SLC26A7: variants seen among roughly 807,000 people sequenced by gnomAD.
SLC26A7 encodes solute carrier family 26 member 7, also known as anion exchange transporter.
A neutral mutation model predicts 82.5 loss-of-function variants in SLC26A7; 59 were observed. The observed-to-expected ratio is 0.72, with a 90% confidence interval of 0.58 to 0.89. The LOEUF (loss-of-function observed/expected upper bound fraction) is 0.89, where lower values mean the gene tolerates loss of function less well. Ranked by LOEUF, SLC26A7 falls within the 40% of genes least tolerant of loss-of-function variation. The probability of loss-of-function intolerance (pLI) is 0.00; values close to 1 mark genes in which losing one functional copy is unlikely to be tolerated. For missense variants in SLC26A7, 820 were observed against 793.0 expected (o/e 1.03, Z -0.41); for synonymous variants, 271 against 274.3 (o/e 0.99, Z 0.12).
At chr8:91,344,320 G>A (rs1175645845) in intron 9 of SLC26A7, 1 of 470,242 alleles carries the variant, frequency 2.1e-6, no homozygotes. Context: ...AACCCAGATA[G>A]ATTTACTTCA....
intron 15 of SLC26A7, among the ~76,000 whole-genome samples, chr8:91,385,324 T>C (rs1390969351): frequency 6.6e-6 from 1 of 152,206 alleles, no homozygotes; most frequent in Non-Finnish European, 1.5e-5. Context: ...CTTAGGAGTA[T>C]AGAACACAAG....
At chr8:91,345,328 T>C (rs908889163) in intron 9 of SLC26A7, among the ~76,000 whole-genome samples, 30 of 152,130 alleles carry the variant, frequency 2.0e-4, no homozygotes, top group African/African-American at 7.0e-4. Flanking sequence ...TCAATAAACA[T>C]AGTGAGTGGT....
chr8:91,311,233 G>A (rs567354931), intron 4 of SLC26A7, among the ~76,000 whole-genome samples: 107 of 152,192 alleles, frequency 7.0e-4, no homozygotes, highest in African/African-American at 2.2e-3. Context: ...ACTTCAGTGA[G>A]GTTGTTGCAT....
At chr8:91,307,795 A>G (rs1442610099) in intron 4 of SLC26A7, among the ~76,000 whole-genome samples, 2 of 132,538 alleles carry the variant, frequency 1.5e-5, no homozygotes, top group Non-Finnish European at 3.2e-5. Flanking sequence ...AACTTAAAGT[A>G]TAATAATAAA....
At position 91,391,238 on chromosome 8, in the gene SLC26A7, G is replaced by A. The variant is rs190806014; in HGVS notation, c.1776+1800G>A. 4.9e-3 allele frequency among the ~76,000 whole-genome samples: 750 copies of A among 152,282 alleles called. 2 individuals carry two copies. The highest frequency in any genetic ancestry group is 8.4e-3 in the Non-Finnish European group (574 of 68,012). On this transcript the variant is annotated intron_variant, in intron 16 of 18. Coordinates refer to ENST00000276609, the MANE Select transcript of SLC26A7 (RefSeq NM_052832.4). Reference sequence around the variant, plus strand: ...GTGTAGGGGAATTGCTTAGTATGTGGAAGTCACAGCATAGTCCCAGCTGCA... The same window carrying A: ...GTGTAGGGGAATTGCTTAGTATGTGAAAGTCACAGCATAGTCCCAGCTGCA...
intron 5 of SLC26A7, among the ~76,000 whole-genome samples, chr8:91,332,719 A>G (rs2130828648): frequency 6.6e-6 from 1 of 151,676 alleles, no homozygotes; most frequent in Admixed American, 6.6e-5. Context: ...TTTCATAGGG[A>G]AAGAGTCTTG....
chr8:91,309,440 T>C (rs1049947663), intron 4 of SLC26A7, among the ~76,000 whole-genome samples: 2 of 151,666 alleles, frequency 1.3e-5, no homozygotes, highest in African/African-American at 4.8e-5. Flanking sequence ...AGTGAGAACC[T>C]GGCTCCTAAC....
At chr8:91,343,579 A>AT in intron 9 of SLC26A7, 113 bp downstream of exon 9, 13 of 667,810 alleles carry the variant, frequency 1.9e-5, no homozygotes, top group East Asian at 5.7e-5. Context: ...CACTTATTTA[A>AT]TTTTTTTTCT....
intron 5 of SLC26A7, among the ~76,000 whole-genome samples, chr8:91,330,362 G>A (rs944373103): frequency 6.6e-6 from 1 of 152,150 alleles, no homozygotes; most frequent in East Asian, 1.9e-4. Flanking sequence ...GATGGGCTGA[G>A]TCCTTTGATG....
At chr8:91,384,579 A>G (rs1051678649) in intron 15 of SLC26A7, among the ~76,000 whole-genome samples, 3 of 152,044 alleles carry the variant, frequency 2.0e-5, no homozygotes, top group African/African-American at 4.8e-5. Flanking sequence ...TCTCCATAGC[A>G]TTTTCTGCCC....
chr8:91,340,261 A>G, intron 7 of SLC26A7, 143 bp from the exon 8 acceptor site: 1 of 983,466 alleles, frequency 1.0e-6, no homozygotes, highest in Non-Finnish European at 1.5e-6. Flanking sequence ...AGGGCTTCTA[A>G]GGGCAAGGCT....
intron 4 of SLC26A7, among the ~76,000 whole-genome samples, chr8:91,298,607 A>G (rs1586379012): frequency 6.6e-6 from 1 of 152,294 alleles, no homozygotes; most frequent in Non-Finnish European, 1.5e-5. Context: ...TTGAATTAAA[A>G]AATGAATTAT....
At chr8:91,234,787 C>A (rs1405760741) in intron 2 of SLC26A7, among the ~76,000 whole-genome samples, 14 of 121,208 alleles carry the variant, frequency 1.2e-4, no homozygotes, top group Admixed American at 3.7e-4. Context: ...TTCCTTCCCT[C>A]CCTCCCTACC....
Position 91,351,279 on chromosome 8 carries a change from G to A in SLC26A7, c.1141-531G>A, listed in dbSNP as rs189579029. Among the ~76,000 whole-genome samples, 11 of 152,202 alleles carry A rather than the reference G, an allele frequency of 7.2e-5. No individual in the cohort carries two copies. In the East Asian group the frequency reaches 1.7e-3, roughly 24 times the overall value. ...TTAGTAAAATTAAGTCTGTTCCACA[G>A]CCAGAGATCACTCCCATATCCCATA... is the stretch of plus-strand genomic sequence containing the variant. On this transcript the variant is annotated intron_variant, in intron 9 of 18. Coordinates refer to ENST00000276609, the MANE Select transcript of SLC26A7 (RefSeq NM_052832.4).
intron 16 of SLC26A7, among the ~76,000 whole-genome samples, chr8:91,392,511 A>G (rs1234617976): frequency 1.3e-5 from 2 of 152,212 alleles, no homozygotes; most frequent in Non-Finnish European, 2.9e-5. Context: ...TCTCATTTTA[A>G]AAATGTCATT....
intron 2 of SLC26A7, among the ~76,000 whole-genome samples, chr8:91,265,771 A>G (rs999860637): frequency 2.6e-5 from 4 of 151,760 alleles, no homozygotes; most frequent in East Asian, 1.9e-4. Context: ...GTGTGTGCGC[A>G]CGCGCCTTTC....
chr8:91,265,377 C>T lies in SLC26A7; in HGVS notation c.193+15533C>T, dbSNP rs150353303. Among the ~76,000 whole-genome samples the T allele has an allele frequency of 8.2e-3, 1,254 of 152,080 alleles. 20 individuals carry two copies. Among genetic ancestry groups the T allele is most frequent in the African/African-American group, 0.029 (1,194 of 41,530 alleles). ...ATGCAGATCTCTCTTCAACATACTG[C>T]TTTCAATTCCTTTGGATATATACCC... On this transcript the variant is annotated intron_variant, in intron 2 of 18. Coordinates refer to ENST00000276609, the MANE Select transcript of SLC26A7 (RefSeq NM_052832.4).
At chr8:91,383,504 C>T (rs1483582141) in intron 15 of SLC26A7, among the ~76,000 whole-genome samples, 1 of 151,964 alleles carries the variant, frequency 6.6e-6, no homozygotes, top group East Asian at 1.9e-4. Context: ...AGCCCTCTCC[C>T]CTAAAAATCG....
intron 10 of SLC26A7, among the ~76,000 whole-genome samples, chr8:91,352,389 C>T (rs1191231999): frequency 6.6e-6 from 1 of 152,056 alleles, no homozygotes; most frequent in Admixed American, 6.6e-5. Flanking sequence ...AGTCTCCATC[C>T]TTTGTTATTC....
Sources: allele counts gnomAD v4.1 joint callset (sites outside exome capture counted in the v4.1 genomes callset), GRCh38; gene constraint gnomAD v4.1.1; transcripts MANE v1.5; gene names NCBI Gene and HGNC (gene_info 2026-07-23, HGNC 2026-07-21).